Variants in CCDC93 observed in about 807,000 individuals in gnomAD.
CCDC93 encodes the protein CCC complex scaffolding subunit CCDC93, also known as coiled-coil domain-containing protein 93.
In CCDC93, 61 loss-of-function variants were observed where a neutral mutation model predicts 108.2. The ratio of observed to expected loss-of-function variants is 0.56; its 90% CI spans 0.46 to 0.70. The LOEUF (loss-of-function observed/expected upper bound fraction) is 0.70, where lower values mean the gene tolerates loss of function less well. Ranked by LOEUF, CCDC93 falls within the 30% of genes least tolerant of loss-of-function variation. The probability of loss-of-function intolerance (pLI) is 0.00; values close to 1 mark genes in which losing one functional copy is unlikely to be tolerated. For synonymous variants in CCDC93, 276 were observed against 260.4 expected, an observed-to-expected ratio of 1.06 and a Z score of -0.58; for missense variants, 685 against 764.2, an observed-to-expected ratio of 0.90 and a Z score of 1.22.
intron 23 of CCDC93, among the ~76,000 whole-genome samples, chr2:117,928,198 T>C (rs1678190202): frequency 1.3e-5 from 2 of 152,198 alleles, no homozygotes; most frequent in Admixed American, 6.5e-5. Flanking sequence ...GACATAGGCA[T>C]GGGCAAGGAC....
rs1476619078 is a variant in CCDC93, at chr2:117,915,646, A to T, written c.*4697T>A. On this transcript the variant is annotated 3_prime_UTR_variant, in exon 24 of 24. Transcript: ENST00000376300. ...AATTCAAAAGGTACAAAAGGTGTAC[A>T]TTGAAAAGTCATTCCCACCCCTCTT... The T allele has an allele frequency of 6.6e-6, 1 of 152,242 alleles. No homozygotes were observed. Among genetic ancestry groups the T allele is most frequent in the Non-Finnish European group, 1.5e-5 (1 of 68,040 alleles). The allele number at this position is 152,242 out of a possible 1,614,324, so 9.4% of individuals were successfully genotyped here. A position where few individuals can be genotyped will look rare whatever the true frequency, so the allele number is the denominator to read the frequency against.
At chr2:117,951,798 C>T (rs752756928) in intron 13 of CCDC93, 35 of 553,848 alleles carry the variant, frequency 6.3e-5, no homozygotes, top group Non-Finnish European at 6.6e-5. Flanking sequence ...AAGTGAGCAG[C>T]GACAATGCTG....
intron 1 of CCDC93, 39 bp from the exon 2 acceptor site, chr2:118,008,697 G>A (rs1676941713): frequency 1.5e-6 from 2 of 1,334,630 alleles, no homozygotes; most frequent in Admixed American, 3.5e-5. Context: ...TAAAAGATAT[G>A]CTGAATAAAG....
chr2:117,923,655 GGCCTGCCTGCCTGCCT>G (rs756961154), intron 23 of CCDC93, among the ~76,000 whole-genome samples: 4 of 132,322 alleles, frequency 3.0e-5, no homozygotes, highest in Non-Finnish European at 6.5e-5. Context: ...AGCACAAGGA[GGCCTGCCTGCCTGCCT>G]GCCTGCCTGC....
chr2:117,979,752 C>T (rs915882700), intron 7 of CCDC93, among the ~76,000 whole-genome samples: 2 of 152,168 alleles, frequency 1.3e-5, no homozygotes. Context: ...GCTATCCACA[C>T]GAATTCTGTA....
chr2:117,961,660 A>G (rs532015053), intron 11 of CCDC93, among the ~76,000 whole-genome samples: 8 of 152,242 alleles, frequency 5.3e-5, no homozygotes, highest in Non-Finnish European at 1.0e-4. Context: ...TCCGTAAACC[A>G]GCAGGTCTCA....
At chr2:117,973,256 A>C (rs750512298) in intron 11 of CCDC93, among the ~76,000 whole-genome samples, 12 of 152,144 alleles carry the variant, frequency 7.9e-5, no homozygotes, top group Non-Finnish European at 1.6e-4. Context: ...TCAACATTTT[A>C]GGGGGACAGG....
Position 118,006,814 on chromosome 2 carries a change from T to G in CCDC93, c.159A>C (p.Val53=), listed in dbSNP as rs1267987482. The G allele has an allele frequency of 6.3e-7, 1 of 1,582,846 alleles. No homozygotes were observed. Among genetic ancestry groups the G allele is most frequent in the Admixed American group, 1.7e-5 (1 of 59,838 alleles). The change falls in exon 3 of 24, where the codon GTA becomes GTC. Residue 53 remains valine (V), a splice_region_variant and synonymous_variant. Transcript: ENST00000376300. ...RIKGLSPFDK[V]VGGMTWCITT... ...TGATACACCAAGTCATTCCTCCTAC[T>G]ACCTGCAAGACATAAAGAAAATATT...
rs1418744276 is a variant in CCDC93, at chr2:117,919,213, C to T, written c.*1130G>A. 6.6e-6 allele frequency: 1 copy of T among 152,304 alleles called. No homozygotes were observed. Among genetic ancestry groups the T allele is most frequent in the Non-Finnish European group, 1.5e-5 (1 of 68,148 alleles). 9.4% of individuals were successfully genotyped at this position (152,304 alleles called of 1,614,324 possible). On this transcript the variant is annotated 3_prime_UTR_variant, in exon 24 of 24. Coordinates refer to ENST00000376300, the MANE Select transcript of CCDC93 (RefSeq NM_019044.5). ...GGCCCTCCAAAGCCTAGTCTCAGCC[C>T]TACTTCCCAGACGGGTCTCTGAAGC...
At chr2:118,012,486 C>T (rs897793071) in intron 1 of CCDC93, 7 of 152,066 alleles carry the variant, frequency 4.6e-5, no homozygotes, top group Non-Finnish European at 8.8e-5. Flanking sequence ...TATTTATTTT[C>T]CCCCCAGAAA....
chr2:117,985,009 T>A (rs1254918648), intron 7 of CCDC93, among the ~76,000 whole-genome samples: 1 of 152,122 alleles, frequency 6.6e-6, no homozygotes. Flanking sequence ...ATGCCTGACT[T>A]GGAGGAGGCA....
At chr2:117,998,238 T>C (rs1292835390) in intron 4 of CCDC93, 4 of 152,194 alleles carry the variant, frequency 2.6e-5, no homozygotes, top group Non-Finnish European at 5.9e-5. Flanking sequence ...TGAACACGGA[T>C]GATGGGCTTC....
In CCDC93 at chr2:118,008,548, G is replaced by T; in HGVS notation, c.153C>A (p.Asp51Glu). 1 of 1,570,874 alleles carries T rather than the reference G, an allele frequency of 6.4e-7. No individual in the cohort carries two copies. Among genetic ancestry groups the T allele is most frequent in the Non-Finnish European group, 8.8e-7 (1 of 1,141,880 alleles). ...RARIKGLSPF[D>E]KVVGGMTWCI... ...GGTTAGAAAGATTTCCCCTTACCTTGTCAAAGGGTGATAAGCCTTTAATTC... is the reference window on the plus strand; with the variant it reads ...GGTTAGAAAGATTTCCCCTTACCTTTTCAAAGGGTGATAAGCCTTTAATTC... The change falls in exon 2 of 24, where the codon GAC becomes GAA. Residue 51 changes from aspartate (D) to glutamate (E), a missense_variant. Asp to Glu is a conservative substitution (Grantham distance 45). Transcript: ENST00000376300.
intron 11 of CCDC93, among the ~76,000 whole-genome samples, 165 bp downstream of exon 11, chr2:117,973,743 C>T (rs919594718): frequency 6.6e-6 from 1 of 152,192 alleles, no homozygotes; most frequent in African/African-American, 2.4e-5. Flanking sequence ...CGGGCAAGTG[C>T]TGATAGCCGG....
intron 19 of CCDC93, among the ~76,000 whole-genome samples, chr2:117,940,174 T>C (rs1678652266): frequency 6.6e-6 from 1 of 152,130 alleles, no homozygotes; most frequent in African/African-American, 2.4e-5. Flanking sequence ...CCAGTTTGCC[T>C]AAGAGGAATA....
Position 117,975,120 on chromosome 2 carries a change from G to A in CCDC93, c.750+68C>T, listed in dbSNP as rs1679894678. 4.3e-6 allele frequency: 6 copies of A among 1,392,006 alleles called. No homozygotes were observed. The Admixed American group carries it at 1.0e-4, about 24-fold the overall frequency. The allele number at this position is 1,392,006 out of a possible 1,614,324, so 86.2% of individuals were successfully genotyped here. A position where few individuals can be genotyped will look rare whatever the true frequency, so the allele number is the denominator to read the frequency against. ...GTGGTGGCCATTTGGGAACGCTAGG[G>A]ATAAGAGTACGATTTCTCCCAAAAT... On this transcript the variant is annotated intron_variant, in intron 9 of 23. Coordinates refer to ENST00000376300, the MANE Select transcript of CCDC93 (RefSeq NM_019044.5).
intron 12 of CCDC93, among the ~76,000 whole-genome samples, chr2:117,954,410 CTCTTT>C (rs1007513773): frequency 2.0e-5 from 3 of 152,116 alleles, no homozygotes; most frequent in Non-Finnish European, 2.9e-5. Flanking sequence ...AAAGGCTCAT[CTCTTT>C]TCTTTTCTTT....
chr2:117,982,848 C>A (rs1188491854), intron 7 of CCDC93, among the ~76,000 whole-genome samples: 1 of 152,014 alleles, frequency 6.6e-6, no homozygotes, highest in African/African-American at 2.4e-5. Context: ...AGCAGGGGGC[C>A]AGCCTTGTTT....
chr2:118,007,175 C>G (rs1676896259), intron 2 of CCDC93, among the ~76,000 whole-genome samples: 1 of 152,186 alleles, frequency 6.6e-6, no homozygotes, highest in Non-Finnish European at 1.5e-5. Context: ...GTCAAAAGGA[C>G]AGACATTAAT....
Sources: gnomAD v4.1 joint callset for allele counts (sites outside exome capture counted in the v4.1 genomes callset) on GRCh38, gnomAD v4.1.1 for gene constraint, MANE v1.5 for transcripts, NCBI Gene and HGNC (gene_info 2026-07-23, HGNC 2026-07-21) for gene names.